Variants in SLC15A4 observed in about 807,000 individuals in gnomAD.
The protein encoded by SLC15A4 is hPHT1.
In SLC15A4, 26 loss-of-function variants were observed where a neutral mutation model predicts 46.1. The observed-to-expected ratio is 0.56, with a 90% confidence interval of 0.41 to 0.78. The LOEUF (loss-of-function observed/expected upper bound fraction) is 0.78, where lower values mean the gene tolerates loss of function less well. Among genes scored for constraint, SLC15A4 ranks in the 30% least tolerant of loss-of-function variants. The pLI is 0.00. For synonymous variants in SLC15A4, 370 were observed against 333.4 expected, an observed-to-expected ratio of 1.11 and a Z score of -1.20; for missense variants, 751 against 755.7, an observed-to-expected ratio of 0.99 and a Z score of 0.07.
chr12:128,806,160 T>C (rs1480107751), intron 5 of SLC15A4, among the ~76,000 whole-genome samples: 1 of 25,688 alleles, frequency 3.9e-5, no homozygotes, highest in Non-Finnish European at 1.2e-4. Flanking sequence ...ACAGAGACTC[T>C]GTCTCAAAAA....
chr12:128,820,120 T>TA (rs1339680928), intron 1 of SLC15A4, among the ~76,000 whole-genome samples: 1 of 152,182 alleles, frequency 6.6e-6, no homozygotes, highest in African/African-American at 2.4e-5. Context: ...CTTTAAAAGA[T>TA]AGAGGCTGAC....
intron 7 of SLC15A4, among the ~76,000 whole-genome samples, chr12:128,797,488 T>TA (rs1955459775): frequency 6.6e-6 from 1 of 152,182 alleles, no homozygotes; most frequent in East Asian, 1.9e-4. Flanking sequence ...TGCTTAAGAT[T>TA]AGAGACCTTT....
Position 128,804,638 on chromosome 12 carries a change from G to A in SLC15A4, c.1259-3629C>T, listed in dbSNP as rs1955560415. ...CCAGCTACTGTGGAGGCTGAGGCAG[G>A]AGAATCGCTTGAACCAGGGAGGCGG... On this transcript the variant is annotated intron_variant, in intron 5 of 7. Coordinates refer to ENST00000266771, the MANE Select transcript of SLC15A4 (RefSeq NM_145648.4). Among the ~76,000 whole-genome samples the A allele has an allele frequency of 3.3e-5, 5 of 152,350 alleles. No individual in the cohort carries two copies. In the South Asian group the frequency reaches 8.3e-4, roughly 25 times the overall value.
intron 7 of SLC15A4, among the ~76,000 whole-genome samples, 169 bp from the exon 8 acceptor site, chr12:128,794,525 C>G (rs1451377150): frequency 6.6e-6 from 1 of 152,236 alleles, no homozygotes; most frequent in Non-Finnish European, 1.5e-5. Flanking sequence ...TTCAAAACCA[C>G]TGAAGAAGCT....
In SLC15A4 at chr12:128,823,717, T is replaced by A; in HGVS notation, c.227A>T (p.Glu76Val). 6.5e-7 allele frequency: 1 copy of A among 1,535,188 alleles called. No homozygotes were observed. Among genetic ancestry groups the A allele is most frequent in the Non-Finnish European group, 8.7e-7 (1 of 1,149,828 alleles). ...PFCWEGAQASEALLLFMGLTY... is the reference protein window; with the variant it reads ...PFCWEGAQASVALLLFMGLTY... ...GAGGCCCATGAAGAGCAGCAGCGCC[T>A]CGCTGGCCTGCGCGCCCTCCCAGCA... The change falls in exon 1 of 8, where the codon GAG (glutamate) becomes GTG (valine). Residue 76 changes from glutamate to valine, a missense_variant. By Grantham distance (121) the Glu-to-Val change is moderately radical. Transcript: ENST00000266771.
At chr12:128,809,228 A>G in intron 4 of SLC15A4, 168 bp downstream of exon 4, 1 of 588,632 alleles carries the variant, frequency 1.7e-6, no homozygotes, top group Admixed American at 3.5e-5. Context: ...AGCAAATGAT[A>G]CAACCAATGA....
At chr12:128,801,267 A>C in intron 5 of SLC15A4, 1 of 328,944 alleles carries the variant, frequency 3.0e-6, no homozygotes, top group South Asian at 5.9e-5. Flanking sequence ...GATGTTCAAC[A>C]TGTTTCATTT....
chr12:128,823,536 C>T lies in SLC15A4; in HGVS notation c.408G>A (p.Ala136=). ...CAGGCGCCGTGCAGTTGAGCAGGCG[C>T]GCGGAACCGCAGAGCGCGGCTCGCG... is the stretch of plus-strand genomic sequence containing the variant. ...PATRAALCGS[A]RLLNCTAPGP... is the part of the protein sequence containing the mutation. The change falls in exon 1 of 8, where the codon GCG becomes GCA. Residue 136 remains alanine, a synonymous_variant. Coordinates refer to ENST00000266771, the MANE Select transcript of SLC15A4 (RefSeq NM_145648.4). 1 of 1,465,072 alleles carries T rather than the reference C, an allele frequency of 6.8e-7. No individual in the cohort carries two copies. The highest frequency in any genetic ancestry group is 1.5e-5 in the African/African-American group (1 of 67,758). The allele number at this position is 1,465,072 out of a possible 1,614,324, so 90.8% of individuals were successfully genotyped here. A position where few individuals can be genotyped will look rare whatever the true frequency, so the allele number is the denominator to read the frequency against.
intron 1 of SLC15A4, chr12:128,815,311 A>AGAGTTTTTCCAAGTATGTGGAAAAACTT (rs148696359): frequency 0.57 from 236,768 of 415,638 alleles, 71,077 homozygotes; most frequent in Non-Finnish European, 0.6. Flanking sequence ...CAAATGCTAG[A>AGAGTTTTTCCAAGTATGTGGAAAAACTT]GAGTTTTTCC....
At position 128,793,999 on chromosome 12, in the gene SLC15A4, C is replaced by T. The variant is rs1470186640; in HGVS notation, c.*197G>A. On this transcript the variant is annotated 3_prime_UTR_variant, in exon 8 of 8. Coordinates refer to ENST00000266771, the MANE Select transcript of SLC15A4 (RefSeq NM_145648.4). Reference sequence around the variant, plus strand: ...GCAGCTCTCCTCCCGGAGGGCCCAGCGTGCCAGGAGACACGCTGCAGTAAG... The same window carrying T: ...GCAGCTCTCCTCCCGGAGGGCCCAGTGTGCCAGGAGACACGCTGCAGTAAG... 1.4e-5 allele frequency: 6 copies of T among 439,308 alleles called. No individual in the cohort carries two copies. In the East Asian group the frequency reaches 1.4e-4, roughly 10 times the overall value. 27.2% of individuals were successfully genotyped at this position (439,308 alleles called of 1,614,324 possible). A position where few individuals can be genotyped will look rare whatever the true frequency, so the allele number is the denominator to read the frequency against.
At chr12:128,795,818 T>G (rs1218486038) in intron 7 of SLC15A4, among the ~76,000 whole-genome samples, 1 of 152,242 alleles carries the variant, frequency 6.6e-6, no homozygotes, top group Admixed American at 6.5e-5. Context: ...CGGCTGCTCC[T>G]GCCACCATGG....
chr12:128,814,264 A>G, intron 2 of SLC15A4: 1 of 213,834 alleles, frequency 4.7e-6, no homozygotes, highest in Non-Finnish European at 9.4e-6. Context: ...TGTATGATGG[A>G]CCTGACCGCC....
intron 7 of SLC15A4, among the ~76,000 whole-genome samples, chr12:128,798,771 T>C (rs1030779858): frequency 6.6e-6 from 1 of 152,176 alleles, no homozygotes; most frequent in Non-Finnish European, 1.5e-5. Context: ...CCCATTATGA[T>C]TGATCACAAG....
At position 128,801,359 on chromosome 12, in the gene SLC15A4, T is replaced by G. The variant is rs1335044321; in HGVS notation, c.1259-350A>C. On this transcript the variant is annotated intron_variant, in intron 5 of 7. Coordinates refer to ENST00000266771, the MANE Select transcript of SLC15A4 (RefSeq NM_145648.4). ...GTAGGAGAAAGTTAAAAAGTCCTACTGTAGAATTAACAGTAGTGCTATTTT... is the reference window on the plus strand; with the variant it reads ...GTAGGAGAAAGTTAAAAAGTCCTACGGTAGAATTAACAGTAGTGCTATTTT... 3 of 179,772 alleles carry G rather than the reference T, an allele frequency of 1.7e-5. No homozygotes were observed. The East Asian group carries it at 4.6e-4, about 28-fold the overall frequency. 11.1% of individuals were successfully genotyped at this position (179,772 alleles called of 1,614,324 possible).
At chr12:128,799,115 G>A (rs1955483387) in intron 7 of SLC15A4, 144 bp downstream of exon 7, 2 of 812,362 alleles carry the variant, frequency 2.5e-6, no homozygotes, top group African/African-American at 3.4e-5. Flanking sequence ...GCAGCACAGA[G>A]CAGTGCTGTG....
intron 5 of SLC15A4, among the ~76,000 whole-genome samples, chr12:128,805,285 C>T (rs1356924630): frequency 6.6e-6 from 1 of 151,970 alleles, no homozygotes; most frequent in East Asian, 1.9e-4. Context: ...AAGGATGAGA[C>T]TAACGTTGAA....
At chr12:128,819,126 G>A (rs903444720) in intron 1 of SLC15A4, among the ~76,000 whole-genome samples, 10 of 152,208 alleles carry the variant, frequency 6.6e-5, no homozygotes, top group East Asian at 1.9e-4. Flanking sequence ...AATACTGGCC[G>A]AGCGCGGTGG....
chr12:128,816,078 A>AAC (rs1330994546), intron 1 of SLC15A4: 1 of 152,228 alleles, frequency 6.6e-6, no homozygotes. Flanking sequence ...AAATTCTGAT[A>AAC]AGGGTGGGAT....
chr12:128,811,447 T>C (rs771553950), intron 2 of SLC15A4, among the ~76,000 whole-genome samples: 6 of 152,350 alleles, frequency 3.9e-5, no homozygotes, highest in African/African-American at 4.8e-5. Context: ...GAAAACTAAG[T>C]TCGATTCAAC....
Sources: gnomAD v4.1 joint callset for allele counts (sites outside exome capture counted in the v4.1 genomes callset) on GRCh38, gnomAD v4.1.1 for gene constraint, MANE v1.5 for transcripts, NCBI Gene and HGNC (gene_info 2026-07-23, HGNC 2026-07-21) for gene names.